Variants in FAM53A observed in about 807,000 individuals in gnomAD.
FAM53A encodes the protein family with sequence similarity 53 member A.
FAM53A carries 28 observed loss-of-function variants against 26.6 expected under a neutral mutation model. The ratio of observed to expected loss-of-function variants is 1.05; its 90% confidence interval spans 0.78 to 1.45. The LOEUF (loss-of-function observed/expected upper bound fraction) is 1.45, where lower values mean the gene tolerates loss of function less well. FAM53A is among the 40% of genes most tolerant of loss of function. FAM53A has a pLI of 0.00. For missense variants in FAM53A, 650 were observed against 575.8 expected, an observed-to-expected ratio of 1.13 and a Z score of -1.32; for synonymous variants, 290 against 253.1, an observed-to-expected ratio of 1.15 and a Z score of -1.38.
At chr4:1,614,706 C>G (rs1291787602), downstream of FAM53A, among the ~76,000 whole-genome samples, 1 of 152,134 alleles carries the variant, frequency 6.6e-6, no homozygotes, top group South Asian at 2.1e-4. Flanking sequence ...CTGCCGCCTC[C>G]GGTCACAACA....
At position 1,630,734 on chromosome 4, in the gene FAM53A, G is replaced by C. The variant is rs568873536; in HGVS notation, c.432-12623C>G. On this transcript the variant is annotated intron_variant, in intron 1 of 1. Transcript: ENST00000489029. The surrounding 1 kb of genome is among the most constrained non-coding windows in gnomAD (Gnocchi z 4.3). ...AGCTCCACAGAGACAACAAGCGGAGGGGAGGCTGCCAGGGCAGGGCAGGGT... is the reference window on the plus strand; with the variant it reads ...AGCTCCACAGAGACAACAAGCGGAGCGGAGGCTGCCAGGGCAGGGCAGGGT... Among the ~76,000 whole-genome samples, 1 of 152,308 alleles carries C rather than the reference G, an allele frequency of 6.6e-6. No homozygotes were observed. Among genetic ancestry groups the C allele is most frequent in the Non-Finnish European group, 1.5e-5 (1 of 68,028 alleles).
intron 1 of FAM53A, among the ~76,000 whole-genome samples, chr4:1,671,306 G>A (rs113475866): frequency 4.0e-4 from 42 of 104,718 alleles, no homozygotes; most frequent in South Asian, 9.7e-4. Flanking sequence ...GCCACGGCCC[G>A]GACTCACCTC....
intron 2 of FAM53A, among the ~76,000 whole-genome samples, chr4:1,666,057 C>T (rs1165038842): frequency 1.3e-5 from 1 of 78,496 alleles, no homozygotes; most frequent in Admixed American, 1.2e-4. Flanking sequence ...TGCACCTGCA[C>T]CCCCTGTATC....
chr4:1,595,105 A>G, the FAM53A span, among the ~76,000 whole-genome samples: 1 of 152,194 alleles, frequency 6.6e-6, no homozygotes, highest in Admixed American at 6.5e-5. Flanking sequence ...AGGGACGGGG[A>G]GGCACAGATT....
At chr4:1,669,152 T>G (rs374002063) in intron 1 of FAM53A, among the ~76,000 whole-genome samples, 88 of 152,242 alleles carry the variant, frequency 5.8e-4, no homozygotes, top group African/African-American at 2.1e-3. Context: ...AAGAAGAAGA[T>G]AGGCCACCCC....
At chr4:1,619,473 C>T (rs1464157760) in intron 1 of FAM53A, among the ~76,000 whole-genome samples, 1 of 152,208 alleles carries the variant, frequency 6.6e-6, no homozygotes, top group African/African-American at 2.4e-5. Context: ...CAGGACTGGC[C>T]GGCCTTCCCG....
intron 1 of FAM53A, chr4:1,618,179 C>G (rs1473063156): frequency 2.5e-4 from 113 of 456,068 alleles, no homozygotes; most frequent in Non-Finnish European, 4.4e-6. Context: ...AGACAGGGCA[C>G]GTGCTGCCTC....
rs1355915572 is a variant in FAM53A, at chr4:1,634,767, G to A, written c.432-16656C>T. Among the ~76,000 whole-genome samples the A allele has an allele frequency of 7.9e-5, 12 of 152,214 alleles. No individual in the cohort carries two copies. The South Asian group carries it at 2.5e-3, about 32-fold the overall frequency. On this transcript the variant is annotated intron_variant, in intron 1 of 1. Coordinates refer to the FAM53A transcript ENST00000489029. ...ACAAAAAAATTAGCCAGGCATGGTG[G>A]TGCGCGCCTGTAATCCCAGTTACTC... is the stretch of plus-strand genomic sequence containing the variant.
chr4:1,610,658 G>A, the FAM53A span, among the ~76,000 whole-genome samples: 4 of 152,124 alleles, frequency 2.6e-5, no homozygotes, highest in South Asian at 2.1e-4. Flanking sequence ...CGTGGGGGGC[G>A]GCCTGGGGTG....
intron 1 of FAM53A, among the ~76,000 whole-genome samples, chr4:1,624,500 C>T (rs747331263): frequency 4.6e-5 from 7 of 152,182 alleles, no homozygotes; most frequent in South Asian, 4.1e-4. Context: ...CCCAGAAGGA[C>T]GGCAGGGGTG....
intron 1 of FAM53A, among the ~76,000 whole-genome samples, chr4:1,680,623 A>G (rs190960145): frequency 6.6e-6 from 1 of 152,332 alleles, no homozygotes; most frequent in Admixed American, 6.5e-5. Flanking sequence ...AGACAGTGTA[A>G]TATTATTTAG....
intron 1 of FAM53A, among the ~76,000 whole-genome samples, chr4:1,672,121 C>T (rs954417338): frequency 6.0e-5 from 9 of 150,604 alleles, no homozygotes; most frequent in African/African-American, 2.2e-4. Flanking sequence ...GATCCAGGAA[C>T]CCAGGGACCT....
rs1193353011 is a variant in FAM53A, at chr4:1,640,151, C to CG, written c.*1141_*1142insC. The CG allele has an allele frequency of 6.4e-6, 1 of 157,292 alleles. No individual in the cohort carries two copies. Among genetic ancestry groups the CG allele is most frequent in the Non-Finnish European group, 1.4e-5 (1 of 72,130 alleles). The allele number at this position is 157,292 out of a possible 1,614,324, so 9.7% of individuals were successfully genotyped here. On this transcript the variant is annotated 3_prime_UTR_variant, in exon 5 of 5. Transcript: ENST00000308132. ...CCAGAGGTCTGGCACTACACCCCACCTGAAGGTGCAAGGGCCCTCCCAGGC... is the reference window on the plus strand; with the variant it reads ...CCAGAGGTCTGGCACTACACCCCACCGTGAAGGTGCAAGGGCCCTCCCAGGC...
In FAM53A at chr4:1,644,324, C is replaced by T. The variant is rs1031017641; in HGVS notation, c.883-2717G>A. 1.2e-4 allele frequency: 182 copies of T among 1,535,812 alleles called. 2 individuals are homozygous for T. In the East Asian group the frequency reaches 4.4e-3, roughly 37 times the overall value. ...AGGCCTCGGACGCGGGACTCGCACT[C>T]GCGGGCACAGCTGTGCGGCTAGAGC... On this transcript the variant is annotated intron_variant, in intron 4 of 4. Transcript: ENST00000308132.
At chr4:1,656,655 C>A (rs1383515961) in intron 3 of FAM53A, among the ~76,000 whole-genome samples, 3 of 152,142 alleles carry the variant, frequency 2.0e-5, no homozygotes, top group Non-Finnish European at 4.4e-5. Context: ...GAGGACATCG[C>A]ACCACAGGCC....
chr4:1,648,380 C>G (rs1487480118), intron 4 of FAM53A, among the ~76,000 whole-genome samples: 2 of 152,044 alleles, frequency 1.3e-5, no homozygotes. Context: ...ATGAGGGACA[C>G]AGAGAAAGGT....
chr4:1,587,513 A>T, the FAM53A span, among the ~76,000 whole-genome samples: 4 of 152,178 alleles, frequency 2.6e-5, no homozygotes, highest in African/African-American at 7.2e-5. Context: ...CTCTACTAGA[A>T]ATACAAAAAT....
chr4:1,649,879 T>TTGAC lies in FAM53A; in HGVS notation c.882+5098_882+5099insGTCA, dbSNP rs1268391703. ...CAGTGAGGTGGCACAGGCGTGGTGT[T>TTGAC]TGTGAGGTGGCACAGGCGTGGCGTT... On this transcript the variant is annotated intron_variant, in intron 4 of 4. Coordinates refer to ENST00000308132, the MANE Select transcript of FAM53A (RefSeq NM_001174070.3). Among the ~76,000 whole-genome samples the TTGAC allele has an allele frequency of 1.6e-3, 244 of 147,914 alleles. 1 individual carries two copies. Among genetic ancestry groups the TTGAC allele is most frequent in the Middle Eastern group, 7.1e-3 (2 of 280 alleles).
At chr4:1,621,807 T>C (rs1715048980) in intron 1 of FAM53A, among the ~76,000 whole-genome samples, 1 of 152,166 alleles carries the variant, frequency 6.6e-6, no homozygotes, top group East Asian at 1.9e-4. Context: ...TGGCACCGTG[T>C]TGGGGGAATA....
Sources: allele counts gnomAD v4.1 joint callset (sites outside exome capture counted in the v4.1 genomes callset), GRCh38; gene constraint gnomAD v4.1.1; non-coding constraint Gnocchi (gnomAD v3.1); transcripts MANE v1.5; gene names NCBI Gene and HGNC (gene_info 2026-07-23, HGNC 2026-07-21).